Variants in ZNF142 observed in about 807,000 individuals in gnomAD.
ZNF142 encodes the protein zinc finger protein 142, also known as zinc finger protein 142 (clone pHZ-49).
A neutral mutation model predicts 132.1 loss-of-function variants in ZNF142; 96 were observed. The observed-to-expected ratio is 0.73, with a 90% CI of 0.62 to 0.86. The LOEUF is 0.86. Ranked by LOEUF, ZNF142 falls within the 40% of genes least tolerant of loss-of-function variation. The probability of loss-of-function intolerance (pLI) is 0.00; values close to 1 mark genes in which losing one functional copy is unlikely to be tolerated. For synonymous variants in ZNF142, 842 were observed against 890.1 expected (o/e 0.95, Z 0.96); for missense variants, 2,163 against 2,336.2 (o/e 0.93, Z 1.53).
rs191683092 is a variant in ZNF142 at position 218,656,260 on chromosome 2, C to A, written c.170G>T (p.Gly57Val). The change falls in exon 4 of 11, where the codon GGC becomes GTC. Residue 57 changes from glycine to valine, a missense_variant. Coordinates refer to ENST00000411696, the MANE Select transcript of ZNF142 (RefSeq NM_001379659.1). ...RDPAPIPTEP[G>V]CLLVEATATE... is the part of the protein sequence containing the mutation. ...TGCTGTGGCCTCTACCAGCAGGCAG[C>A]CTGGCTCAGTAGGTATAGGTGCAGG... The A allele has an allele frequency of 6.2e-7, 1 of 1,613,588 alleles. No homozygotes were observed. Among genetic ancestry groups the A allele is most frequent in the Admixed American group, 1.7e-5 (1 of 59,958 alleles).
At chr2:218,647,042 G>T (rs1697787519) in intron 7 of ZNF142, among the ~76,000 whole-genome samples, 1 of 152,162 alleles carries the variant, frequency 6.6e-6, no homozygotes, top group Non-Finnish European at 1.5e-5. Context: ...CTGATCTGAA[G>T]TCCAACACAG....
In ZNF142 at chr2:218,643,781, A is replaced by C; in HGVS notation, c.3335T>G (p.Leu1112Arg). The change falls in exon 9 of 11, where the codon CTC (leucine) becomes CGC (arginine). Residue 1112 changes from leucine to arginine, a missense_variant. Coordinates refer to ENST00000411696, the MANE Select transcript of ZNF142 (RefSeq NM_001379659.1). ...GTCCTCTGAGGCCTGGGTACCTGGG[A>C]GCACAGGTTGCAGAGGGATGGGTGA... ...PDSPIPLQPV[L>R]PGTQASEDTE... is the part of the protein sequence containing the mutation. 6.2e-7 allele frequency: 1 copy of C among 1,611,392 alleles called. No homozygotes were observed. Among genetic ancestry groups the C allele is most frequent in the Non-Finnish European group, 8.5e-7 (1 of 1,178,550 alleles).
Position 218,644,751 on chromosome 2 carries a change from A to C in ZNF142, c.2365T>G (p.Leu789Val). The C allele has an allele frequency of 6.2e-7, 1 of 1,614,236 alleles. No individual in the cohort carries two copies. Among genetic ancestry groups the C allele is most frequent in the African/African-American group, 1.3e-5 (1 of 75,064 alleles). ...DYRTFSNTTL[L>V]FHKRKAHGYV... Reference sequence around the variant, plus strand: ...CCATGGGCCTTGCGTTTATGGAACAAGAGTGTGGTGTTGCTGAAGGTGCGG... The same window carrying C: ...CCATGGGCCTTGCGTTTATGGAACACGAGTGTGGTGTTGCTGAAGGTGCGG... Residue 789 changes from leucine (L) to valine (V), a missense_variant, in exon 9 of 11, where the codon TTG becomes GTG. Physicochemically the swap from Leu to Val is conservative, Grantham distance 32. Transcript: ENST00000411696. This position sits in a 1 kb window ranked among gnomAD's most constrained non-coding sequence, Gnocchi z 4.6.
At chr2:218,655,081 CCT>C (rs1938362923) in intron 4 of ZNF142, among the ~76,000 whole-genome samples, 1 of 151,972 alleles carries the variant, frequency 6.6e-6, no homozygotes, top group Admixed American at 6.6e-5. Flanking sequence ...AGAGCAAGAC[CCT>C]GTCTCAACAA....
chr2:218,640,443 G>A (rs1245499166), intron 10 of ZNF142, among the ~76,000 whole-genome samples: 3 of 152,176 alleles, frequency 2.0e-5, no homozygotes, highest in African/African-American at 7.2e-5. Flanking sequence ...GGAAGCTTTT[G>A]GAAAGTACAT....
rs549174403 is a variant in ZNF142, at chr2:218,652,160, C to T, written c.421G>A (p.Val141Ile). The T allele has an allele frequency of 3.1e-5, 14 of 453,160 alleles. No homozygotes were observed. The East Asian group carries it at 9.8e-4, about 32-fold the overall frequency. The allele number at this position is 453,160 out of a possible 1,614,324, so 28.1% of individuals were successfully genotyped here. The change falls in exon 5 of 11, where the codon GTA (valine) becomes ATA (isoleucine). Residue 141 changes from valine to isoleucine, a missense_variant. By Grantham distance (29) the Val-to-Ile change is conservative. Around this residue, in one of 7 missense-constraint regions of ZNF142, gnomAD observed 195 missense variants for 172.4 expected, o/e 1.13. Transcript: ENST00000411696. ...VQGLSSPPCS[V>I]ELPPSNPTLP... ...GTTGGGTTGCTGGGAGGCAGCTCTA[C>T]AGAGCATGGGGGGCTAGAGAGGCCC... is the stretch of plus-strand genomic sequence containing the variant.
chr2:218,641,066 C>G (rs776913427), intron 9 of ZNF142, among the ~76,000 whole-genome samples: 8 of 151,720 alleles, frequency 5.3e-5, no homozygotes, highest in South Asian at 2.1e-4. Flanking sequence ...TCCCAAGTAG[C>G]TGGGAATACA....
chr2:218,644,012 G>T lies in ZNF142; in HGVS notation c.3104C>A (p.Ala1035Asp). 8.7e-6 allele frequency: 14 copies of T among 1,614,096 alleles called. No homozygotes were observed. The highest frequency in any genetic ancestry group is 1.2e-5 in the Non-Finnish European group (14 of 1,180,004). Residue 1035 changes from alanine to aspartate, a missense_variant, in exon 9 of 11, where the codon GCC becomes GAC. This residue lies in a region of ZNF142 where 809 missense variants were observed against 801.7 expected (regional missense o/e 1.01). Transcript: ENST00000411696. The surrounding 1 kb of genome is among the most constrained non-coding windows in gnomAD (Gnocchi z 4.6). The stretch of plus-strand genomic sequence containing the variant: ...AAAAGGGCAGTGTGGGCAGCGGAAG[G>T]CTCGCCCCTCTCCCTGGATCACTAC... ...QMVVIQGEGR[A>D]FRCPHCPFIT...
intron 5 of ZNF142, among the ~76,000 whole-genome samples, chr2:218,651,052 T>C (rs573640172): frequency 6.6e-6 from 1 of 151,018 alleles, no homozygotes; most frequent in African/African-American, 2.4e-5. Context: ...AGTGCTGCAA[T>C]CTTGGCTCAC....
rs370015847 is a variant in ZNF142 at position 218,644,738 on chromosome 2, C to T, written c.2378G>A (p.Arg793His). 2.2e-5 allele frequency: 36 copies of T among 1,614,044 alleles called. No individual in the cohort carries two copies. The African/African-American group carries it at 2.8e-4, about 13-fold the overall frequency. ...TCCAGGTACATAGCCATGGGCCTTG[C>T]GTTTATGGAACAAGAGTGTGGTGTT... ...FSNTTLLFHK[R>H]KAHGYVPGDQ... The change falls in exon 9 of 11, where the codon CGC (arginine) becomes CAC (histidine). Residue 793 changes from arginine to histidine, a missense_variant. Physicochemically the swap from Arg to His is conservative, Grantham distance 29. Transcript: ENST00000411696. The surrounding 1 kb of genome is among the most constrained non-coding windows in gnomAD (Gnocchi z 4.6).
chr2:218,648,999 G>C lies in ZNF142; in HGVS notation c.1509C>G (p.Phe503Leu). 4 of 1,612,310 alleles carry C rather than the reference G, an allele frequency of 2.5e-6. No homozygotes were observed. The highest frequency in any genetic ancestry group is 1.6e-4 in the Middle Eastern group (1 of 6,062). Residue 503 changes from phenylalanine (F) to leucine (L), a missense_variant, in exon 7 of 11, where the codon TTC (phenylalanine) becomes TTG (leucine). By Grantham distance (22) the Phe-to-Leu change is conservative. Transcript: ENST00000411696. ...CATGGGTCTCCTTCAGGTGCTTAAT[G>C]AAGGCCTTGCGGTCGGGTGCTGCAT... ...CSYAAPDRKAFIKHLKETHGV... is the reference protein window; with the variant it reads ...CSYAAPDRKALIKHLKETHGV...
chr2:218,636,624 A>C lies in ZNF142; in HGVS notation c.*1715T>G, dbSNP rs200636941. 54 of 1,564,404 alleles carry C rather than the reference A, an allele frequency of 3.5e-5. 1 individual carries two copies. In the East Asian group the frequency reaches 1.2e-3, roughly 35 times the overall value. ...GTTGGTGTGCTGGCTTTAGACGGGG[A>C]GAAACATCTGGAAGGATGCTCGAGA... On this transcript the variant is annotated 3_prime_UTR_variant, in exon 11 of 11. Coordinates refer to ENST00000411696, the MANE Select transcript of ZNF142 (RefSeq NM_001379659.1).
In ZNF142 at chr2:218,642,568, G is replaced by C. The variant is rs757355562; in HGVS notation, c.4548C>G (p.Ala1516=). The C allele has an allele frequency of 1.4e-5, 23 of 1,613,314 alleles. No homozygotes were observed. The South Asian group carries it at 2.4e-4, about 17-fold the overall frequency. ...LRRHPEPAQP[A]PGSPAETTEG... is the part of the protein sequence containing the mutation. ...CAGTGGTCTCTGCAGGAGAGCCAGG[G>C]GCAGGCTGTGCAGGCTCGGGGTGTC... The change falls in exon 9 of 11, where the codon GCC becomes GCG. Residue 1516 remains alanine, a synonymous_variant. Coordinates refer to ENST00000411696, the MANE Select transcript of ZNF142 (RefSeq NM_001379659.1). The surrounding 1 kb of genome is among the most constrained non-coding windows in gnomAD (Gnocchi z 4.6).
rs746630831 is a variant in ZNF142 at position 218,635,631 on chromosome 2, C to G, written c.*2708G>C. ...TACAGGTGTGAGCCACCGTGCCCGG[C>G]CTTTGGGTGCATTTTAAATTGCAGA... On this transcript the variant is annotated 3_prime_UTR_variant, in exon 11 of 11. Coordinates refer to ENST00000411696, the MANE Select transcript of ZNF142 (RefSeq NM_001379659.1). 6.6e-6 allele frequency among the ~76,000 whole-genome samples: 1 copy of G among 152,172 alleles called. No homozygotes were observed. Among genetic ancestry groups the G allele is most frequent in the East Asian group, 1.9e-4 (1 of 5,196 alleles).
intron 4 of ZNF142, among the ~76,000 whole-genome samples, chr2:218,655,483 T>C (rs1938397254): frequency 6.6e-6 from 1 of 152,202 alleles, no homozygotes; most frequent in South Asian, 2.1e-4. Context: ...TTGTTTTGTT[T>C]TGTTTTTTTA....
chr2:218,649,983 G>A (rs1042463528), intron 6 of ZNF142, among the ~76,000 whole-genome samples: 1 of 152,164 alleles, frequency 6.6e-6, no homozygotes, highest in African/African-American at 2.4e-5. Context: ...CTACTGAGGT[G>A]AAAAACTGGG....
At chr2:218,640,240 G>A (rs1367162403) in intron 10 of ZNF142, among the ~76,000 whole-genome samples, 1 of 152,110 alleles carries the variant, frequency 6.6e-6, no homozygotes, top group African/African-American at 2.4e-5. Context: ...AACCGGGTTT[G>A]TGGATTCCAT....
rs1017998219 is a variant in ZNF142, at chr2:218,642,982, G to A, written c.4134C>T (p.Phe1378=). The A allele has an allele frequency of 1.9e-6, 3 of 1,612,940 alleles. No individual in the cohort carries two copies. Among genetic ancestry groups the A allele is most frequent in the Non-Finnish European group, 2.5e-6 (3 of 1,179,548 alleles). ...GCATGCAACGGCTCTGTTTACAGGT[G>A]AAGCCACAGTCCCCACACTGTAGAT... ...RPHLQCGDCG[F]TCKQSRCMQQ... Residue 1378 remains phenylalanine (F), a synonymous_variant, in exon 9 of 11, where the codon TTC becomes TTT. Coordinates refer to ENST00000411696, the MANE Select transcript of ZNF142 (RefSeq NM_001379659.1). The surrounding 1 kb of genome is among the most constrained non-coding windows in gnomAD (Gnocchi z 4.6).
At chr2:218,653,575 CA>C (rs34491963) in intron 4 of ZNF142, among the ~76,000 whole-genome samples, 86,113 of 144,658 alleles carry the variant, frequency 0.6, 25,128 homozygotes, top group East Asian at 0.82. Context: ...AACTCTATCT[CA>C]AAAAAAAAAA....
Sources: allele counts gnomAD v4.1 joint callset (sites outside exome capture counted in the v4.1 genomes callset), GRCh38; gene constraint gnomAD v4.1.1; regional missense constraint gnomAD v4.1.1; non-coding constraint Gnocchi (gnomAD v3.1); transcripts MANE v1.5; gene names NCBI Gene and HGNC (gene_info 2026-07-23, HGNC 2026-07-21).